Variants in NELL1 observed in about 807,000 individuals in gnomAD.
NELL1 encodes the protein neural EGFL like 1.
In NELL1, 76 loss-of-function variants were observed where a neutral mutation model predicts 107.4. The observed-to-expected ratio is 0.71, with a 90% CI of 0.59 to 0.86. The LOEUF (loss-of-function observed/expected upper bound fraction) is 0.86, where lower values mean the gene tolerates loss of function less well. Among genes scored for constraint, NELL1 ranks in the 40% least tolerant of loss-of-function variants. The pLI is 0.00. For missense variants in NELL1, 1,024 were observed against 1,005.5 expected (o/e 1.02, Z -0.25); for synonymous variants, 353 against 341.2 (o/e 1.03, Z -0.38).
intron 3 of NELL1, among the ~76,000 whole-genome samples, chr11:20,806,079 C>T (rs1857376849): frequency 6.7e-6 from 1 of 150,356 alleles, no homozygotes; most frequent in Non-Finnish European, 1.5e-5. Flanking sequence ...TTACTAATAC[C>T]AGAGAGTTTT....
intron 14 of NELL1, among the ~76,000 whole-genome samples, chr11:21,320,074 T>A (rs899366831): frequency 7.2e-5 from 11 of 152,058 alleles, no homozygotes; most frequent in Non-Finnish European, 1.5e-4. Flanking sequence ...CTTCATACCT[T>A]CTACATCACT....
At chr11:20,960,705 C>T in intron 12 of NELL1, 145 bp downstream of exon 12, 1 of 942,522 alleles carries the variant, frequency 1.1e-6, no homozygotes, top group Non-Finnish European at 1.6e-6. Context: ...TGAGGGTTCT[C>T]TGTTCTCCTG....
chr11:21,455,498 A>T (rs1853705145), intron 15 of NELL1, among the ~76,000 whole-genome samples: 1 of 151,402 alleles, frequency 6.6e-6, no homozygotes, highest in Non-Finnish European at 1.5e-5. Flanking sequence ...CACTTGGTTA[A>T]TTTTTAAAAT....
intron 15 of NELL1, among the ~76,000 whole-genome samples, chr11:21,502,992 C>T (rs1474191169): frequency 6.6e-6 from 1 of 152,252 alleles, no homozygotes; most frequent in East Asian, 1.9e-4. Context: ...AAGTGATTCT[C>T]CTGCCTCAAC....
At chr11:21,059,675 G>GT (rs1853692547) in intron 12 of NELL1, among the ~76,000 whole-genome samples, 1 of 152,116 alleles carries the variant, frequency 6.6e-6, no homozygotes, top group Non-Finnish European at 1.5e-5. Flanking sequence ...CTGTAGGACA[G>GT]TAGTCATCTC....
intron 14 of NELL1, among the ~76,000 whole-genome samples, chr11:21,264,841 C>T (rs1391425322): frequency 1.3e-5 from 2 of 151,750 alleles, no homozygotes; most frequent in African/African-American, 2.4e-5. Context: ...TCATTATTAG[C>T]ACAAAGAGAT....
At chr11:21,231,942 A>G (rs932987101) in intron 14 of NELL1, among the ~76,000 whole-genome samples, 1 of 151,972 alleles carries the variant, frequency 6.6e-6, no homozygotes, top group Non-Finnish European at 1.5e-5. Flanking sequence ...ACCTTCTTTC[A>G]CTACTGGTTC....
chr11:21,351,541 CTT>C (rs779665898), intron 14 of NELL1, among the ~76,000 whole-genome samples: 4 of 149,506 alleles, frequency 2.7e-5, no homozygotes, highest in Non-Finnish European at 3.0e-5. Context: ...AAAAAAGAAA[CTT>C]TTTAAATTTC....
At chr11:20,702,809 G>A (rs536100048) in intron 2 of NELL1, among the ~76,000 whole-genome samples, 4 of 152,084 alleles carry the variant, frequency 2.6e-5, no homozygotes, top group Admixed American at 6.6e-5. Context: ...GATGGATTAC[G>A]TTTATTGATT....
chr11:21,451,829 G>A (rs1017472704), intron 15 of NELL1, among the ~76,000 whole-genome samples: 1 of 152,100 alleles, frequency 6.6e-6, no homozygotes, highest in Non-Finnish European at 1.5e-5. Flanking sequence ...TGGTCATGGC[G>A]AGACAATGGT....
intron 10 of NELL1, among the ~76,000 whole-genome samples, chr11:20,941,955 G>A (rs145084433): frequency 1.4e-3 from 214 of 152,230 alleles, no homozygotes; most frequent in African/African-American, 4.7e-3. Context: ...GCTTTGTGAG[G>A]CATCTCCTGA....
At chr11:20,887,712 A>G (rs1447317194) in intron 5 of NELL1, among the ~76,000 whole-genome samples, 1 of 152,222 alleles carries the variant, frequency 6.6e-6, no homozygotes, top group Non-Finnish European at 1.5e-5. Flanking sequence ...CTTGACACCC[A>G]GATTTACTTT....
At chr11:20,796,458 A>G (rs2133996646) in intron 3 of NELL1, among the ~76,000 whole-genome samples, 1 of 152,318 alleles carries the variant, frequency 6.6e-6, no homozygotes, top group East Asian at 1.9e-4. Flanking sequence ...ATGAGATACA[A>G]CATTGGCTTA....
At chr11:20,902,483 G>A (rs1052910079) in intron 5 of NELL1, among the ~76,000 whole-genome samples, 1 of 152,094 alleles carries the variant, frequency 6.6e-6, no homozygotes, top group Admixed American at 6.6e-5. Context: ...GCTATGTGTA[G>A]GGGAAGTCAT....
At chr11:20,861,165 C>T (rs2134073623) in intron 4 of NELL1, among the ~76,000 whole-genome samples, 1 of 152,256 alleles carries the variant, frequency 6.6e-6, no homozygotes, top group South Asian at 2.1e-4. Flanking sequence ...ATACCCATTG[C>T]CCTGCCCTTA....
At chr11:21,271,638 C>T (rs912951967) in intron 14 of NELL1, among the ~76,000 whole-genome samples, 2 of 152,142 alleles carry the variant, frequency 1.3e-5, no homozygotes, top group African/African-American at 4.8e-5. Flanking sequence ...GCCAACATTA[C>T]TCTAATACTA....
At chr11:21,304,837 C>T (rs1849573895) in intron 14 of NELL1, among the ~76,000 whole-genome samples, 1 of 151,750 alleles carries the variant, frequency 6.6e-6, no homozygotes, top group Admixed American at 6.6e-5. Context: ...TGGGAGACTC[C>T]TAATAAATAA....
chr11:20,712,785 G>A (rs1362392559), intron 2 of NELL1, among the ~76,000 whole-genome samples: 1 of 152,208 alleles, frequency 6.6e-6, no homozygotes, highest in African/African-American at 2.4e-5. Flanking sequence ...CCAGGCTCTA[G>A]GCTGGTGCTG....
chr11:21,466,086 G>A (rs1395749476), intron 15 of NELL1, among the ~76,000 whole-genome samples: 1 of 152,086 alleles, frequency 6.6e-6, no homozygotes, highest in Non-Finnish European at 1.5e-5. Flanking sequence ...TAGAGAGGGG[G>A]AGGAATTTGC....
Sources: gnomAD v4.1 joint callset for allele counts (sites outside exome capture counted in the v4.1 genomes callset) on GRCh38, gnomAD v4.1.1 for gene constraint, MANE v1.5 for transcripts, NCBI Gene and HGNC (gene_info 2026-07-23, HGNC 2026-07-21) for gene names.